Variants in NEK7 observed in about 807,000 individuals in gnomAD.
The protein encoded by NEK7 is NIMA related kinase 7, also known as serine/threonine-protein kinase Nek7.
Under a neutral mutation model 44.6 loss-of-function variants are expected in NEK7, and 18 were observed. That is an observed-to-expected ratio of 0.40 (90% CI 0.28 to 0.60). The LOEUF is 0.60. Among genes scored for constraint, NEK7 ranks in the 20% least tolerant of loss-of-function variants. NEK7 has a pLI of 0.38. For missense variants in NEK7, 256 were observed against 366.5 expected, an observed-to-expected ratio of 0.70 and a Z score of 2.46; for synonymous variants, 130 against 121.1, an observed-to-expected ratio of 1.07 and a Z score of -0.48.
At chr1:198,293,254 GAA>G (rs1654613186) in intron 8 of NEK7, among the ~76,000 whole-genome samples, 4 of 151,798 alleles carry the variant, frequency 2.6e-5, no homozygotes, top group Non-Finnish European at 5.9e-5. Context: ...CTTTTGATGA[GAA>G]GTTTATTTTT....
In NEK7 at chr1:198,250,925, T is replaced by G. The variant is rs932128688; in HGVS notation, c.58-2115T>G. Among the ~76,000 whole-genome samples the G allele has an allele frequency of 3.8e-4, 58 of 152,194 alleles. 1 individual carries two copies. The highest frequency in any genetic ancestry group is 6.2e-4 in the South Asian group (3 of 4,826). ...AGTGCTTCCAACACTATGTTGAATATGAGTGGTGAGAGTGGGCATCCCTGT... is the reference window on the plus strand; with the variant it reads ...AGTGCTTCCAACACTATGTTGAATAGGAGTGGTGAGAGTGGGCATCCCTGT... On this transcript the variant is annotated intron_variant, in intron 2 of 9. Transcript: ENST00000367385.
At chr1:198,315,098 T>C (rs1655319424) in intron 9 of NEK7, among the ~76,000 whole-genome samples, 1 of 152,170 alleles carries the variant, frequency 6.6e-6, no homozygotes, top group African/African-American at 2.4e-5. Flanking sequence ...TCCATGGGCG[T>C]AGGACCCTCC....
intron 2 of NEK7, among the ~76,000 whole-genome samples, chr1:198,238,648 T>C (rs150045355): frequency 4.6e-5 from 7 of 152,318 alleles, no homozygotes; most frequent in African/African-American, 1.7e-4. Context: ...CATTCTTTTT[T>C]ACACATTACA....
intron 1 of NEK7, among the ~76,000 whole-genome samples, chr1:198,211,029 T>C (rs1278705292): frequency 6.6e-6 from 1 of 152,166 alleles, no homozygotes; most frequent in Admixed American, 6.5e-5. Context: ...AATTTGTATT[T>C]CTTTATTAGT....
At chr1:198,257,816 A>C (rs1323274961) in intron 3 of NEK7, among the ~76,000 whole-genome samples, 2 of 152,158 alleles carry the variant, frequency 1.3e-5, no homozygotes, top group African/African-American at 4.8e-5. Context: ...AGAAACAGAA[A>C]ATTTCCAGTT....
intron 1 of NEK7, among the ~76,000 whole-genome samples, chr1:198,157,656 GT>G (rs1663951173): frequency 6.6e-6 from 1 of 152,228 alleles, no homozygotes; most frequent in African/African-American, 2.4e-5. Flanking sequence ...GGCGACGTCG[GT>G]TATTTATCTC....
intron 8 of NEK7, among the ~76,000 whole-genome samples, chr1:198,293,967 G>T (rs1654634649): frequency 6.6e-6 from 1 of 151,746 alleles, no homozygotes; most frequent in African/African-American, 2.4e-5. Context: ...TTGTCCTCCA[G>T]AATTAAATGA....
rs149251699 is a variant in NEK7 at position 198,272,470 on chromosome 1, T to G, written c.373-5491T>G. 2.8e-3 allele frequency among the ~76,000 whole-genome samples: 424 copies of G among 152,000 alleles called. 3 individuals are homozygous for G. Among genetic ancestry groups the G allele is most frequent in the African/African-American group, 9.7e-3 (403 of 41,558 alleles). On this transcript the variant is annotated intron_variant, in intron 5 of 9. Transcript: ENST00000367385. ...GAGATACTTTTACTGTTCTGCTGTGTTTTCTTTGTTCATTATGAAAATTAA... is the reference window on the plus strand; with the variant it reads ...GAGATACTTTTACTGTTCTGCTGTGGTTTCTTTGTTCATTATGAAAATTAA...
chr1:198,185,427 C>T (rs1488112315), intron 1 of NEK7, among the ~76,000 whole-genome samples: 1 of 151,936 alleles, frequency 6.6e-6, no homozygotes, highest in African/African-American at 2.4e-5. Context: ...ATTCCTCTAG[C>T]AGGGAGCAAG....
intron 1 of NEK7, among the ~76,000 whole-genome samples, chr1:198,167,937 G>A (rs911937897): frequency 6.6e-6 from 1 of 152,160 alleles, no homozygotes; most frequent in African/African-American, 2.4e-5. Context: ...GTAGATACAA[G>A]CCTTTGCATT....
rs573840491 is a variant in NEK7 at position 198,204,026 on chromosome 1, G to A, written c.-28-28527G>A. 3.3e-4 allele frequency among the ~76,000 whole-genome samples: 50 copies of A among 152,338 alleles called. 1 individual carries two copies. The East Asian group carries it at 9.5e-3, about 29-fold the overall frequency. On this transcript the variant is annotated intron_variant, in intron 1 of 9. Coordinates refer to ENST00000367385, the MANE Select transcript of NEK7 (RefSeq NM_133494.3). ...TATCCCAGCACTTTGGGAGCCTGAT[G>A]TGGAAGGATGACTTGAGGCCAGGAT...
chr1:198,276,163 G>A (rs1654011555), intron 5 of NEK7, among the ~76,000 whole-genome samples: 1 of 151,516 alleles, frequency 6.6e-6, no homozygotes, highest in Admixed American at 6.6e-5. Context: ...CTTCCCTATT[G>A]TGCAATTTGG....
intron 7 of NEK7, among the ~76,000 whole-genome samples, chr1:198,285,413 G>A (rs1054402935): frequency 2.0e-5 from 3 of 152,182 alleles, no homozygotes; most frequent in Admixed American, 2.0e-4. Flanking sequence ...GCTTAGCAAT[G>A]AAGTATGTTC....
intron 1 of NEK7, among the ~76,000 whole-genome samples, chr1:198,200,552 C>CTTTTTTTT (rs531448626): frequency 7.6e-6 from 1 of 131,370 alleles, no homozygotes; most frequent in Non-Finnish European, 1.6e-5. Context: ...TTCTTTCTTT[C>CTTTTTTTT]TTTTTTTTTT....
At chr1:198,233,831 T>C (rs1666472438) in intron 2 of NEK7, among the ~76,000 whole-genome samples, 1 of 151,752 alleles carries the variant, frequency 6.6e-6, no homozygotes, top group Admixed American at 6.6e-5. Context: ...AAACGATCTT[T>C]TCTGCTTGTA....
At chr1:198,234,347 C>CTTG (rs1666488238) in intron 2 of NEK7, among the ~76,000 whole-genome samples, 1 of 151,682 alleles carries the variant, frequency 6.6e-6, no homozygotes, top group Non-Finnish European at 1.5e-5. Flanking sequence ...ATGTTATGAT[C>CTTG]ATAAATTATC....
chr1:198,314,881 C>G (rs375438731), intron 9 of NEK7, among the ~76,000 whole-genome samples: 1 of 152,160 alleles, frequency 6.6e-6, no homozygotes, highest in African/African-American at 2.4e-5. Flanking sequence ...TACTGCTGTC[C>G]TTTTGTTTGT....
rs565385210 is a variant in NEK7, at chr1:198,257,292, C to T, written c.198+4112C>T. 2.0e-5 allele frequency among the ~76,000 whole-genome samples: 3 copies of T among 152,120 alleles called. No homozygotes were observed. The East Asian group carries it at 5.8e-4, about 29-fold the overall frequency. On this transcript the variant is annotated intron_variant, in intron 3 of 9. Transcript: ENST00000367385. ...GTATTCTTTGATATTGAATGCTTAC[C>T]TTTTATTTACTTATGTTTGTTAGTT... is the stretch of plus-strand genomic sequence containing the variant.
chr1:198,225,231 A>G (rs1296202457), intron 1 of NEK7, among the ~76,000 whole-genome samples: 1 of 143,760 alleles, frequency 7.0e-6, no homozygotes, highest in Non-Finnish European at 1.5e-5. Flanking sequence ...ATCATTCTGG[A>G]TGACTTGAGA....
Sources: allele counts gnomAD v4.1 joint callset (sites outside exome capture counted in the v4.1 genomes callset), GRCh38; gene constraint gnomAD v4.1.1; transcripts MANE v1.5; gene names NCBI Gene and HGNC (gene_info 2026-07-23, HGNC 2026-07-21).